NWD1: variants seen among roughly 807,000 people sequenced by gnomAD.
NWD1 encodes the protein NACHT domain- and WD repeat-containing protein 1.
NWD1 carries 129 observed loss-of-function variants against 135.1 expected under a neutral mutation model. The ratio of observed to expected loss-of-function variants is 0.96; its 90% CI spans 0.83 to 1.11. NWD1 has a LOEUF of 1.11. Among genes scored for constraint, NWD1 ranks in the 50% least tolerant of loss-of-function variants. The pLI is 0.00. For synonymous variants in NWD1, 773 were observed against 786.0 expected (o/e 0.98, Z 0.28); for missense variants, 1,740 against 1,851.3 (o/e 0.94, Z 1.10).
At chr19:16,808,686 C>T (rs1054157657) in intron 18 of NWD1, among the ~76,000 whole-genome samples, 1 of 152,028 alleles carries the variant, frequency 6.6e-6, no homozygotes, top group African/African-American at 2.4e-5. Context: ...TAGCTCATTG[C>T]AGCCTCAATC....
At chr19:16,772,217 T>G (rs1036973535) in intron 10 of NWD1, among the ~76,000 whole-genome samples, 3 of 152,016 alleles carry the variant, frequency 2.0e-5, no homozygotes, top group Non-Finnish European at 4.4e-5. Context: ...AATAAAAAAC[T>G]AACGAGGCGT....
rs537460392 is a variant in NWD1 at position 16,787,955 on chromosome 19, G to A, written c.2732-1027G>A. 3.0e-3 allele frequency among the ~76,000 whole-genome samples: 413 copies of A among 139,270 alleles called. 5 individuals carry two copies. The highest frequency in any genetic ancestry group is 3.4e-3 in the Non-Finnish European group (218 of 64,584). The allele number at this position is 139,270 out of a possible 152,430, so 91.4% of individuals were successfully genotyped here. On this transcript the variant is annotated intron_variant, in intron 12 of 18. Transcript: ENST00000524140. ...TCATCATCATCATCATAGGCCAGGC[G>A]CGGCGGCTCATGCCTGTAATCCCAG...
Position 16,762,031 on chromosome 19 carries a change from A to G in NWD1, c.2026A>G (p.Lys676Glu), listed in dbSNP as rs1969033616. 2 of 1,614,086 alleles carry G rather than the reference A, an allele frequency of 1.2e-6. No individual in the cohort carries two copies. Among genetic ancestry groups the G allele is most frequent in the East Asian group, 4.5e-5 (2 of 44,876 alleles). Reference sequence around the variant, plus strand: ...CTACCTGTCAGGATCCGAGAGAGCCAAGAGGCATGGCGTCCTGGCCGACTT... The same window carrying G: ...CTACCTGTCAGGATCCGAGAGAGCCGAGAGGCATGGCGTCCTGGCCGACTT... Reference protein sequence around the residue: ...ERYLSGSERAKRHGVLADFFS... With the variant: ...ERYLSGSERAERHGVLADFFS... The change falls in exon 8 of 19, where the codon AAG (lysine) becomes GAG (glutamate). Residue 676 changes from lysine (K) to glutamate (E), a missense_variant. Transcript: ENST00000524140.
At position 16,815,839 on chromosome 19, in the gene NWD1, AGT is replaced by A. The variant is rs1971055186; in HGVS notation, c.*801_*802del. ...ACTGATGTGGACCACAGAACCTCACAGTTTATAAAGCTGTAGGTGCTGTCATC... is the reference window on the plus strand; with the variant it reads ...ACTGATGTGGACCACAGAACCTCACATTATAAAGCTGTAGGTGCTGTCATC... On this transcript the variant is annotated 3_prime_UTR_variant, in exon 19 of 19. Coordinates refer to ENST00000524140, the MANE Select transcript of NWD1 (RefSeq NM_001007525.5). 1 of 153,950 alleles carries A rather than the reference AGT, an allele frequency of 6.5e-6. No homozygotes were observed. Among genetic ancestry groups the A allele is most frequent in the Non-Finnish European group, 1.4e-5 (1 of 69,260 alleles). 9.5% of individuals were successfully genotyped at this position (153,950 alleles called of 1,614,324 possible).
intron 2 of NWD1, among the ~76,000 whole-genome samples, chr19:16,729,392 A>G (rs1967463016): frequency 6.6e-6 from 1 of 151,852 alleles, no homozygotes; most frequent in Non-Finnish European, 1.5e-5. Context: ...TATCACTCTC[A>G]CGGTTCCCTC....
At chr19:16,810,524 T>C (rs1970896015) in intron 18 of NWD1, among the ~76,000 whole-genome samples, 1 of 151,710 alleles carries the variant, frequency 6.6e-6, no homozygotes, top group African/African-American at 2.4e-5. Context: ...TCCCAGCACT[T>C]TGGGAGGCCG....
chr19:16,816,191 G>A lies in NWD1; in HGVS notation c.*1152G>A, dbSNP rs1971064655. On this transcript the variant is annotated 3_prime_UTR_variant, in exon 19 of 19. Transcript: ENST00000524140. ...TGTGGAAGGCAGAGATTGTGTCTAG[G>A]GTGGGTATGAGCAGCCTGACTGTAG... 1 of 152,214 alleles carries A rather than the reference G, an allele frequency of 6.6e-6. No individual in the cohort carries two copies. The allele number at this position is 152,214 out of a possible 1,614,324, so 9.4% of individuals were successfully genotyped here.
At chr19:16,809,961 G>A (rs1307289096) in intron 18 of NWD1, among the ~76,000 whole-genome samples, 1 of 152,064 alleles carries the variant, frequency 6.6e-6, no homozygotes, top group African/African-American at 2.4e-5. Context: ...CTATCTGCCT[G>A]GTCACAGGGA....
intron 6 of NWD1, among the ~76,000 whole-genome samples, chr19:16,758,679 A>G (rs1599478566): frequency 1.3e-5 from 2 of 152,004 alleles, no homozygotes; most frequent in South Asian, 2.1e-4. Flanking sequence ...TTCCCTCCCT[A>G]TAGTGTCTGT....
intron 11 of NWD1, among the ~76,000 whole-genome samples, chr19:16,775,818 C>A (rs1358652735): frequency 6.6e-6 from 1 of 152,144 alleles, no homozygotes; most frequent in Admixed American, 6.6e-5. Context: ...CAGGCACATG[C>A]CACCATGCCT....
At chr19:16,759,976 G>C (rs112183486) in intron 7 of NWD1, among the ~76,000 whole-genome samples, 1,753 of 151,976 alleles carry the variant, frequency 0.012, 28 homozygotes, top group African/African-American at 0.04. Context: ...CCTGGCAACA[G>C]AGCGAGACTC....
At chr19:16,733,897 C>T (rs139677330) in intron 3 of NWD1, among the ~76,000 whole-genome samples, 42 of 152,150 alleles carry the variant, frequency 2.8e-4, no homozygotes, top group Middle Eastern at 3.4e-3. Flanking sequence ...CCCTTTCTTC[C>T]TCCAGTCACA....
At chr19:16,755,474 C>T (rs578191244) in intron 6 of NWD1, among the ~76,000 whole-genome samples, 2 of 152,242 alleles carry the variant, frequency 1.3e-5, no homozygotes, top group East Asian at 1.9e-4. Context: ...CTGCAACCTC[C>T]GCCTCCTAGG....
At chr19:16,755,687 CTTATTTATTTAT>C (rs60291508) in intron 6 of NWD1, among the ~76,000 whole-genome samples, 12 of 148,014 alleles carry the variant, frequency 8.1e-5, no homozygotes, top group Non-Finnish European at 1.5e-4. Flanking sequence ...CACATCCAGC[CTTATTTATTTAT>C]TTATTTATTT....
intron 11 of NWD1, among the ~76,000 whole-genome samples, chr19:16,775,787 C>T (rs1161797007): frequency 1.3e-5 from 2 of 152,202 alleles, no homozygotes; most frequent in African/African-American, 4.8e-5. Flanking sequence ...CCTGCCTCAG[C>T]CTCCCAAGTA....
At chr19:16,728,665 C>T (rs572544021) in intron 2 of NWD1, among the ~76,000 whole-genome samples, 4 of 151,674 alleles carry the variant, frequency 2.6e-5, no homozygotes, top group African/African-American at 9.7e-5. Context: ...TAATTGCAGG[C>T]CGGGTGCAGT....
In NWD1 at chr19:16,789,157, A is replaced by T; in HGVS notation, c.2907A>T (p.Ala969=). ...TCTGGAACCTTCATGTGGATGAGGCACACAAAGTTGTGTATTCAGCATCTG... is the reference window on the plus strand; with the variant it reads ...TCTGGAACCTTCATGTGGATGAGGCTCACAAAGTTGTGTATTCAGCATCTG... ...PQIWNLHVDE[A]HKVVYSASGS... The change falls in exon 13 of 19, where the codon GCA becomes GCT. Residue 969 remains alanine (A), a synonymous_variant. Transcript: ENST00000524140. 1 of 1,614,104 alleles carries T rather than the reference A, an allele frequency of 6.2e-7. No homozygotes were observed. Among genetic ancestry groups the T allele is most frequent in the Admixed American group, 1.7e-5 (1 of 60,002 alleles).
chr19:16,750,837 A>G (rs961648338), intron 6 of NWD1, among the ~76,000 whole-genome samples: 6 of 152,154 alleles, frequency 3.9e-5, no homozygotes, highest in Non-Finnish European at 7.3e-5. Context: ...ACTATACCTC[A>G]AAAGCTGGGA....
At chr19:16,738,609 A>G (rs1211634675) in intron 4 of NWD1, among the ~76,000 whole-genome samples, 2 of 146,776 alleles carry the variant, frequency 1.4e-5, no homozygotes, top group Non-Finnish European at 3.0e-5. Flanking sequence ...CCAGAGAGAT[A>G]TTCTATTTTC....
Sources: allele counts gnomAD v4.1 joint callset (sites outside exome capture counted in the v4.1 genomes callset), GRCh38; gene constraint gnomAD v4.1.1; transcripts MANE v1.5; gene names NCBI Gene and HGNC (gene_info 2026-07-23, HGNC 2026-07-21).